Variants in ZEB1 observed in about 807,000 individuals in gnomAD.
ZEB1 encodes the protein zinc finger E-box-binding homeobox 1.
ZEB1 carries 21 observed loss-of-function variants against 84.9 expected under a neutral mutation model. That is an observed-to-expected ratio of 0.25 (90% CI 0.18 to 0.36). ZEB1 has a LOEUF of 0.36. Among genes scored for constraint, ZEB1 ranks in the 10% least tolerant of loss-of-function variants. The pLI is 1.00. For synonymous variants in ZEB1, 420 were observed against 471.1 expected (o/e 0.89, Z 1.41); for missense variants, 1,104 against 1,330.2 (o/e 0.83, Z 2.65).
chr10:31,321,448 C>A (rs896349952), intron 1 of ZEB1: 2 of 1,613,898 alleles, frequency 1.2e-6, no homozygotes, highest in Non-Finnish European at 1.7e-6. Context: ...TAGGCTATTG[C>A]AATTTTAATT....
rs745829658 is a variant in ZEB1 at position 31,521,831 on chromosome 10, T to A, written c.2499T>A (p.Asn833Lys). ...SVPCLRALAA[N>K]KQTILIPQVA... ...CATGCTTAAGAGCGCTAGCTGCCAA[T>A]AAGCAAACGATTCTGATTCCCCAGG... The change falls in exon 7 of 9, where the codon AAT becomes AAA. Residue 833 changes from asparagine (N) to lysine (K), a missense_variant. Asn to Lys is a moderately conservative substitution (Grantham distance 94). This residue lies in a region of ZEB1 where 531 missense variants were observed against 575.2 expected (regional missense o/e 0.92). Transcript: ENST00000424869. 2.2e-5 allele frequency: 36 copies of A among 1,613,586 alleles called. No homozygotes were observed. Among genetic ancestry groups the A allele is most frequent in the Admixed American group, 6.7e-5 (4 of 59,956 alleles).
At chr10:31,460,832 A>G (rs1257556729) in intron 1 of ZEB1, among the ~76,000 whole-genome samples, 5 of 152,186 alleles carry the variant, frequency 3.3e-5, no homozygotes, top group Admixed American at 2.0e-4. Context: ...TAAGTATTCA[A>G]TAAGGGTAGC....
At position 31,521,597 on chromosome 10, in the gene ZEB1, T is replaced by G. The variant is rs759638866; in HGVS notation, c.2265T>G (p.Ser755Arg). The G allele has an allele frequency of 6.2e-7, 1 of 1,614,040 alleles. No individual in the cohort carries two copies. The highest frequency in any genetic ancestry group is 1.3e-5 in the African/African-American group (1 of 74,942). ...GELLERSTIT[S>R]VYQNSVYSVQ... ...TATTAGAAAGGTCAACTATCACTAG[T>G]GTTTACCAGAACAGTGTTTATTCTG... is the stretch of plus-strand genomic sequence containing the variant. The change falls in exon 7 of 9, where the codon AGT (serine) becomes AGG (arginine). Residue 755 changes from serine to arginine, a missense_variant. Physicochemically the swap from Ser to Arg is moderately radical, Grantham distance 110. This residue lies in a region of ZEB1 where 531 missense variants were observed against 575.2 expected (regional missense o/e 0.92). Transcript: ENST00000424869.
intron 3 of ZEB1, 95 bp from the exon 4 acceptor site, chr10:31,502,253 A>G (rs770460855): frequency 5.6e-6 from 7 of 1,244,522 alleles, no homozygotes; most frequent in Admixed American, 2.2e-5. Flanking sequence ...AAGAACAATC[A>G]TATGTTCTCT....
chr10:31,348,577 A>G (rs1401622303), intron 1 of ZEB1, among the ~76,000 whole-genome samples: 11 of 152,058 alleles, frequency 7.2e-5, no homozygotes, highest in Non-Finnish European at 1.6e-4. Context: ...AAATAAAAAG[A>G]AAAAAGAAAA....
At chr10:31,449,340 A>G (rs1353242267) in intron 1 of ZEB1, among the ~76,000 whole-genome samples, 2 of 152,166 alleles carry the variant, frequency 1.3e-5, no homozygotes, top group South Asian at 2.1e-4. Flanking sequence ...TGAACCTGGT[A>G]CCTCAGATGG....
At chr10:31,522,047 A>G (rs1461115817) in intron 7 of ZEB1, 111 bp downstream of exon 7, 2 of 1,481,178 alleles carry the variant, frequency 1.4e-6, no homozygotes. Flanking sequence ...ATTATTACAA[A>G]CTGTCATTTT....
At chr10:31,372,387 A>G (rs532781154) in intron 1 of ZEB1, among the ~76,000 whole-genome samples, 1 of 152,142 alleles carries the variant, frequency 6.6e-6, no homozygotes, top group Admixed American at 6.5e-5. Context: ...CAACCCAATA[A>G]TCATAAAGCC....
At chr10:31,353,911 A>G (rs1367526093) in intron 1 of ZEB1, among the ~76,000 whole-genome samples, 8 of 152,230 alleles carry the variant, frequency 5.3e-5, no homozygotes, top group Admixed American at 5.2e-4. Flanking sequence ...TGAGGTGAAT[A>G]TTGCTTAAAA....
chr10:31,457,202 A>T (rs975696260), intron 1 of ZEB1, among the ~76,000 whole-genome samples: 2 of 152,188 alleles, frequency 1.3e-5, no homozygotes, highest in Non-Finnish European at 2.9e-5. Context: ...GTTCAGGGGT[A>T]TAGAGATCAT....
intron 1 of ZEB1, chr10:31,321,419 T>TAGCAAGTCATGGATG: frequency 3.7e-6 from 6 of 1,610,294 alleles, no homozygotes; most frequent in African/African-American, 1.3e-5. Context: ...GATGACTTGT[T>TAGCAAGTCATGGATG]ATAGCAAGGA....
chr10:31,447,153 C>T (rs2059896785), intron 1 of ZEB1, among the ~76,000 whole-genome samples: 1 of 151,900 alleles, frequency 6.6e-6, no homozygotes, highest in African/African-American at 2.4e-5. Flanking sequence ...GAATTGATCC[C>T]TTTACCATTA....
At chr10:31,502,550 A>C (rs1490215774) in intron 4 of ZEB1, 41 bp downstream of exon 4, 2 of 1,612,920 alleles carry the variant, frequency 1.2e-6, no homozygotes, top group Non-Finnish European at 1.7e-6. Context: ...CCCTCTTTAA[A>C]GGATTCTTGT....
At chr10:31,501,889 A>C (rs1460117371) in intron 3 of ZEB1, among the ~76,000 whole-genome samples, 1 of 152,174 alleles carries the variant, frequency 6.6e-6, no homozygotes, top group Non-Finnish European at 1.5e-5. Flanking sequence ...ATTGCAGTTG[A>C]CCACAGGTAA....
intron 1 of ZEB1, among the ~76,000 whole-genome samples, chr10:31,390,832 T>C (rs2049517022): frequency 6.6e-6 from 1 of 152,206 alleles, no homozygotes; most frequent in Non-Finnish European, 1.5e-5. Flanking sequence ...TCCTAAGAGC[T>C]TCTTTTACAG....
At chr10:31,342,783 A>T (rs1229073025) in intron 1 of ZEB1, among the ~76,000 whole-genome samples, 1 of 152,112 alleles carries the variant, frequency 6.6e-6, no homozygotes, top group East Asian at 1.9e-4. Context: ...CATATAATTT[A>T]TTTCCCCCAT....
intron 1 of ZEB1, among the ~76,000 whole-genome samples, chr10:31,342,488 T>G (rs549713894): frequency 1.3e-5 from 2 of 152,244 alleles, no homozygotes; most frequent in African/African-American, 2.4e-5. Context: ...TTCAGTGTTA[T>G]GACAAAGGGT....
intron 1 of ZEB1, chr10:31,387,638 A>G (rs2048862651): frequency 5.2e-6 from 3 of 581,382 alleles, no homozygotes; most frequent in Non-Finnish European, 6.5e-6. Flanking sequence ...ATCTAGTGAC[A>G]TAATAGCTTC....
chr10:31,477,024 C>T (rs2064309688), intron 2 of ZEB1, among the ~76,000 whole-genome samples: 1 of 151,978 alleles, frequency 6.6e-6, no homozygotes. Context: ...CTACTCACAC[C>T]ACTTCTATTC....
Sources: gnomAD v4.1 joint callset for allele counts (sites outside exome capture counted in the v4.1 genomes callset) on GRCh38, gnomAD v4.1.1 for gene constraint, gnomAD v4.1.1 regional missense constraint, MANE v1.5 for transcripts, NCBI Gene and HGNC (gene_info 2026-07-23, HGNC 2026-07-21) for gene names.